Variants in CDH17 observed in about 807,000 individuals in gnomAD.
The protein encoded by CDH17 is cadherin 17.
Under a neutral mutation model 86.3 loss-of-function variants are expected in CDH17, and 67 were observed. The ratio of observed to expected loss-of-function variants is 0.78; its 90% CI spans 0.64 to 0.95. The LOEUF is 0.95. Ranked by LOEUF, CDH17 falls within the 40% of genes least tolerant of loss-of-function variation. CDH17 has a pLI of 0.00. For synonymous variants in CDH17, 367 were observed against 366.4 expected, an observed-to-expected ratio of 1.00 and a Z score of -0.02; for missense variants, 993 against 1,017.6, an observed-to-expected ratio of 0.98 and a Z score of 0.33.
intron 13 of CDH17, among the ~76,000 whole-genome samples, 183 bp from the exon 14 acceptor site, chr8:94,149,057 G>T (rs1371827636): frequency 3.3e-5 from 5 of 152,024 alleles, no homozygotes; most frequent in Non-Finnish European, 7.4e-5. Context: ...CATATTTAAA[G>T]GATCTATTAT....
intron 3 of CDH17, among the ~76,000 whole-genome samples, chr8:94,181,582 A>G (rs1586267326): frequency 6.6e-6 from 1 of 152,236 alleles, no homozygotes; most frequent in East Asian, 1.9e-4. Context: ...AAATACTTTG[A>G]TGTAAATGAA....
At chr8:94,185,914 A>C (rs1281731216) in intron 3 of CDH17, among the ~76,000 whole-genome samples, 3 of 152,170 alleles carry the variant, frequency 2.0e-5, no homozygotes, top group East Asian at 1.9e-4. Flanking sequence ...ACTAAAGACA[A>C]GTATGAGAAA....
chr8:94,211,667 T>G (rs950258572), upstream of CDH17, among the ~76,000 whole-genome samples: 2 of 152,234 alleles, frequency 1.3e-5, no homozygotes, highest in Non-Finnish European at 2.9e-5. Flanking sequence ...ATTTCTCAAT[T>G]TTTCAAGTAC....
chr8:94,190,689 C>T (rs893066405), intron 2 of CDH17, among the ~76,000 whole-genome samples: 1 of 152,202 alleles, frequency 6.6e-6, no homozygotes. Flanking sequence ...ACTGGGTATG[C>T]AGGACAGATG....
chr8:94,209,354 T>C (rs768457015), upstream of CDH17, among the ~76,000 whole-genome samples: 1 of 152,216 alleles, frequency 6.6e-6, no homozygotes, highest in Non-Finnish European at 1.5e-5. Context: ...CATGTCTGTG[T>C]CTGGTGTGTT....
rs199718614 is a variant in CDH17 at position 94,130,949 on chromosome 8, C to G, written c.2211G>C (p.Glu737Asp). The change falls in exon 16 of 18, where the codon GAG (glutamate) becomes GAC (aspartate). Residue 737 changes from glutamate to aspartate, a missense_variant. Transcript: ENST00000027335. ...RLSTRHTEFE[E>D]REYVVLIRIN... ...TGCGGATCAAGACGACATACTCCCT[C>G]TCCTCAAACTCTGTGTGCCTGGTAG... 7.2e-5 allele frequency: 116 copies of G among 1,610,378 alleles called. No individual in the cohort carries two copies. The highest frequency in any genetic ancestry group is 9.2e-5 in the Non-Finnish European group (108 of 1,176,742).
At chr8:94,134,498 G>C (rs1396769587) in intron 15 of CDH17, among the ~76,000 whole-genome samples, 1 of 152,136 alleles carries the variant, frequency 6.6e-6, no homozygotes, top group Non-Finnish European at 1.5e-5. Context: ...GACCAGTGGT[G>C]ATATTCCCTT....
At chr8:94,169,516 G>A (rs577283084) in intron 9 of CDH17, among the ~76,000 whole-genome samples, 1 of 152,252 alleles carries the variant, frequency 6.6e-6, no homozygotes, top group Non-Finnish European at 1.5e-5. Context: ...GGAATGGAGG[G>A]ACGAAAAGAA....
chr8:94,210,257 C>G (rs966549218), upstream of CDH17, among the ~76,000 whole-genome samples: 1 of 86,460 alleles, frequency 1.2e-5, no homozygotes, highest in African/African-American at 4.2e-5. Flanking sequence ...AAAAAAAAGT[C>G]CAAGGGCAGA....
Position 94,127,285 on chromosome 8 carries a change from A to G in CDH17, c.*955T>C, listed in dbSNP as rs1812320674. The G allele has an allele frequency of 1.3e-5, 2 of 152,264 alleles. No homozygotes were observed. Among genetic ancestry groups the G allele is most frequent in the African/African-American group, 4.8e-5 (2 of 41,474 alleles). 9.4% of individuals were successfully genotyped at this position (152,264 alleles called of 1,614,324 possible). A position where few individuals can be genotyped will look rare whatever the true frequency, so the allele number is the denominator to read the frequency against. ...AAACTTTACTAACATACGAATGAAG[A>G]AAACATGCGCAGCATGTATGCATGG... is the stretch of plus-strand genomic sequence containing the variant. On this transcript the variant is annotated 3_prime_UTR_variant, in exon 18 of 18. Coordinates refer to ENST00000027335, the MANE Select transcript of CDH17 (RefSeq NM_004063.4).
At chr8:94,186,566 C>T (rs2130658861) in intron 3 of CDH17, among the ~76,000 whole-genome samples, 1 of 152,248 alleles carries the variant, frequency 6.6e-6, no homozygotes, top group Admixed American at 6.5e-5. Context: ...ATCTAATCAC[C>T]CACCAAAGAC....
At chr8:94,144,498 C>T (rs1201841645) in intron 15 of CDH17, among the ~76,000 whole-genome samples, 3 of 151,526 alleles carry the variant, frequency 2.0e-5, no homozygotes, top group Non-Finnish European at 4.4e-5. Context: ...AAGCAAAGTG[C>T]AATAAGATGA....
chr8:94,138,767 A>C (rs1319163857), intron 15 of CDH17, among the ~76,000 whole-genome samples: 2 of 152,206 alleles, frequency 1.3e-5, no homozygotes, highest in Admixed American at 6.5e-5. Context: ...TACCAGGTAG[A>C]ATACATAGAA....
chr8:94,209,549 G>A (rs1326479144), upstream of CDH17, among the ~76,000 whole-genome samples: 1 of 152,100 alleles, frequency 6.6e-6, no homozygotes, highest in Non-Finnish European at 1.5e-5. Context: ...AGTGCTCTAA[G>A]CCACTGTGGG....
chr8:94,170,145 G>T (rs1485950300), intron 9 of CDH17, among the ~76,000 whole-genome samples: 2 of 152,160 alleles, frequency 1.3e-5, no homozygotes, highest in African/African-American at 4.8e-5. Context: ...AATGATAGTA[G>T]TAAGGTTGAT....
chr8:94,138,106 A>C (rs1383307891), intron 15 of CDH17, among the ~76,000 whole-genome samples: 1 of 152,176 alleles, frequency 6.6e-6, no homozygotes, highest in Non-Finnish European at 1.5e-5. Context: ...GTACAAAAAC[A>C]CTAAACTTCA....
intron 1 of CDH17, among the ~76,000 whole-genome samples, chr8:94,201,066 C>T (rs1444028925): frequency 6.6e-6 from 1 of 152,130 alleles, no homozygotes; most frequent in Non-Finnish European, 1.5e-5. Context: ...ATCATTTAAT[C>T]CACTACAGAT....
intron 15 of CDH17, among the ~76,000 whole-genome samples, chr8:94,138,568 A>C (rs940963317): frequency 6.6e-6 from 1 of 152,192 alleles, no homozygotes; most frequent in Non-Finnish European, 1.5e-5. Context: ...CTGCAAAGAG[A>C]ATGCACACTA....
intron 3 of CDH17, among the ~76,000 whole-genome samples, chr8:94,187,928 C>A (rs140088466): frequency 6.6e-6 from 1 of 152,106 alleles, no homozygotes; most frequent in Admixed American, 6.5e-5. Flanking sequence ...CCTACCTCAC[C>A]GGGCTGCATA....
Sources: allele counts gnomAD v4.1 joint callset (sites outside exome capture counted in the v4.1 genomes callset), GRCh38; gene constraint gnomAD v4.1.1; transcripts MANE v1.5; gene names NCBI Gene and HGNC (gene_info 2026-07-23, HGNC 2026-07-21).